ANO3: variants seen among roughly 807,000 people sequenced by gnomAD.
ANO3 encodes the protein anoctamin-3.
Under a neutral mutation model 144.8 loss-of-function variants are expected in ANO3, and 99 were observed. The ratio of observed to expected loss-of-function variants is 0.68; its 90% CI spans 0.58 to 0.81. ANO3 has a LOEUF of 0.81. Ranked by LOEUF, ANO3 falls within the 30% of genes least tolerant of loss-of-function variation. ANO3 has a pLI of 0.00. For synonymous variants in ANO3, 414 were observed against 392.6 expected (o/e 1.05, Z -0.64); for missense variants, 905 against 1,202.2 (o/e 0.75, Z 3.66).
rs1370394890 is a variant in ANO3 at position 26,482,424 on chromosome 11, ATATGTGTGTGTGTG to A, written c.432+19278_432+19291del. ...ATTTTGCAGTAATTTGAACACAGAT[ATATGTGTGTGTGTG>A]TGTGTGTGTGTGTGTGTGTGTGTGT... On this transcript the variant is annotated intron_variant, in intron 4 of 26. Transcript: ENST00000256737. 1.4e-3 allele frequency among the ~76,000 whole-genome samples: 151 copies of A among 109,810 alleles called. 1 individual carries two copies. The highest frequency in any genetic ancestry group is 5.1e-3 in the African/African-American group (142 of 27,936). 72.0% of individuals were successfully genotyped at this position (109,810 alleles called of 152,430 possible).
chr11:26,236,720 A>T (rs1852535220), intron 1 of ANO3, among the ~76,000 whole-genome samples: 1 of 148,768 alleles, frequency 6.7e-6, no homozygotes, highest in Non-Finnish European at 1.5e-5. Flanking sequence ...CGGGAGGCTG[A>T]GGCAGGAGAA....
chr11:26,258,671 T>C (rs1262737764), intron 1 of ANO3, among the ~76,000 whole-genome samples: 1 of 152,196 alleles, frequency 6.6e-6, no homozygotes, highest in Non-Finnish European at 1.5e-5. Flanking sequence ...CCTAACATGT[T>C]AGTTCATTCC....
At chr11:26,644,027 T>C (rs969561933) in intron 23 of ANO3, among the ~76,000 whole-genome samples, 2 of 152,188 alleles carry the variant, frequency 1.3e-5, no homozygotes, top group Middle Eastern at 3.2e-3. Flanking sequence ...GGAACTTCTG[T>C]TCGCTATAAA....
intron 4 of ANO3, among the ~76,000 whole-genome samples, chr11:26,492,864 A>G (rs1184333610): frequency 6.6e-6 from 1 of 152,216 alleles, no homozygotes; most frequent in Admixed American, 6.5e-5. Flanking sequence ...GTCCATGTCC[A>G]AGTTCTGCTA....
At chr11:26,436,680 A>T (rs934813240) in intron 1 of ANO3, among the ~76,000 whole-genome samples, 1 of 152,078 alleles carries the variant, frequency 6.6e-6, no homozygotes, top group Non-Finnish European at 1.5e-5. Context: ...CCACTTCTTC[A>T]TAGTGCTGGG....
intron 4 of ANO3, among the ~76,000 whole-genome samples, chr11:26,504,021 C>T (rs1054746316): frequency 3.3e-5 from 5 of 152,032 alleles, no homozygotes; most frequent in Admixed American, 6.6e-5. Flanking sequence ...TTCCGTTTAC[C>T]GCACTGGGAG....
rs75565616 is a variant in ANO3 at position 26,467,946 on chromosome 11, G to A, written c.432+4798G>A. Among the ~76,000 whole-genome samples, 3 of 151,920 alleles carry A rather than the reference G, an allele frequency of 2.0e-5. No individual in the cohort carries two copies. The East Asian group carries it at 5.9e-4, about 30-fold the overall frequency. On this transcript the variant is annotated intron_variant, in intron 4 of 26. Transcript: ENST00000256737. ...GCAAGCAAAGTTCTAGAGCAAATGA[G>A]GGGGATTCTTTTTAAGATGGTTTGG...
chr11:26,509,374 G>A (rs1861564814), intron 5 of ANO3, among the ~76,000 whole-genome samples: 1 of 151,800 alleles, frequency 6.6e-6, no homozygotes, highest in Non-Finnish European at 1.5e-5. Context: ...GGAGAGCAGT[G>A]GCGCGATCTT....
chr11:26,333,609 A>G (rs1436473456), intron 1 of ANO3, among the ~76,000 whole-genome samples: 1 of 152,184 alleles, frequency 6.6e-6, no homozygotes, highest in Non-Finnish European at 1.5e-5. Flanking sequence ...TTTTTAACAA[A>G]AACTAGATTA....
intron 1 of ANO3, among the ~76,000 whole-genome samples, chr11:26,365,371 G>T (rs1392944799): frequency 2.6e-5 from 4 of 152,152 alleles, no homozygotes; most frequent in African/African-American, 9.7e-5. Context: ...GGGGGACACT[G>T]GCCCCCTTCC....
intron 4 of ANO3, among the ~76,000 whole-genome samples, chr11:26,493,993 G>A (rs1308701023): frequency 6.6e-6 from 1 of 152,090 alleles, no homozygotes; most frequent in African/African-American, 2.4e-5. Context: ...TAAAAGGATA[G>A]TTTTCAAAAT....
At position 26,282,773 on chromosome 11, in the gene ANO3, G is replaced by A. The variant is rs541410394; in HGVS notation, c.155-26872G>A. 2.6e-5 allele frequency among the ~76,000 whole-genome samples: 4 copies of A among 151,984 alleles called. No homozygotes were observed. In the East Asian group the frequency reaches 7.7e-4, roughly 29 times the overall value. ...ATGAAGCCTCAGTAGTCTTAAATTT[G>A]GGGAAATTTTTGAATAAAAAGAATA... On this transcript the variant is annotated intron_variant, in intron 1 of 27. Coordinates refer to the ANO3 transcript ENST00000672621.
chr11:26,598,499 G>A, intron 15 of ANO3, 52 bp downstream of exon 15: 1 of 1,264,160 alleles, frequency 7.9e-7, no homozygotes. Flanking sequence ...TACAGGATAT[G>A]GAAAATTACT....
chr11:26,472,684 AAT>A (rs1260938532), intron 4 of ANO3, among the ~76,000 whole-genome samples: 1 of 151,902 alleles, frequency 6.6e-6, no homozygotes, highest in East Asian at 1.9e-4. Context: ...TACTTAAGAA[AAT>A]ATAATAAAAT....
Position 26,324,558 on chromosome 11 carries a change from T to C in ANO3, c.-3+14839T>C, listed in dbSNP as rs577230665. 5.3e-5 allele frequency among the ~76,000 whole-genome samples: 8 copies of C among 152,340 alleles called. 1 individual carries two copies. The East Asian group carries it at 1.5e-3, about 29-fold the overall frequency. On this transcript the variant is annotated intron_variant, in intron 1 of 26. Coordinates refer to the ANO3 transcript ENST00000525139. ...AATGAGCCCAAGCCAAAATTAGTTA[T>C]TAAATAAACACTCATCAACAAAGGC...
intron 14 of ANO3, among the ~76,000 whole-genome samples, chr11:26,574,788 T>A (rs1223993436): frequency 2.0e-5 from 3 of 152,138 alleles, no homozygotes; most frequent in Admixed American, 2.0e-4. Flanking sequence ...CTTCTTCACT[T>A]AACTATAACT....
At chr11:26,424,178 C>G (rs1213256848) in intron 1 of ANO3, among the ~76,000 whole-genome samples, 1 of 151,570 alleles carries the variant, frequency 6.6e-6, no homozygotes, top group Non-Finnish European at 1.5e-5. Context: ...TTTTTTTACT[C>G]TTATAAATAC....
chr11:26,540,999 A>G (rs445651), intron 10 of ANO3, among the ~76,000 whole-genome samples: 108,186 of 152,108 alleles, frequency 0.71, 38,782 homozygotes, highest in East Asian at 0.84. Context: ...ATGCACACGT[A>G]TGTTTATTGC....
At chr11:26,273,634 A>G (rs1241865885) in intron 1 of ANO3, among the ~76,000 whole-genome samples, 3 of 48,150 alleles carry the variant, frequency 6.2e-5, no homozygotes, top group Admixed American at 2.3e-4. Context: ...TGGATATGGC[A>G]CACACACACA....
Sources: gnomAD v4.1 joint callset for allele counts (sites outside exome capture counted in the v4.1 genomes callset) on GRCh38, gnomAD v4.1.1 for gene constraint, MANE v1.5 for transcripts, NCBI Gene and HGNC (gene_info 2026-07-23, HGNC 2026-07-21) for gene names.